The following COL25A1 variants were observed in gnomAD, a reference collection of about 807,000 sequenced individuals.
COL25A1 encodes the protein collagen type XXV alpha 1 chain.
Under a neutral mutation model 128.4 loss-of-function variants are expected in COL25A1, and 103 were observed. The observed-to-expected ratio is 0.80, with a 90% CI of 0.68 to 0.94. The LOEUF (loss-of-function observed/expected upper bound fraction) is 0.94, where lower values mean the gene tolerates loss of function less well. COL25A1 is among the 40% of genes least tolerant of loss of function. The pLI, the probability that COL25A1 is intolerant of heterozygous loss-of-function variation, is 0.00. For missense variants in COL25A1, 745 were observed against 840.0 expected (o/e 0.89, Z 1.40); for synonymous variants, 279 against 277.2 (o/e 1.01, Z -0.06).
chr4:109,182,561 T>A (rs1326310524), intron 3 of COL25A1, among the ~76,000 whole-genome samples: 1 of 152,140 alleles, frequency 6.6e-6, no homozygotes, highest in East Asian at 1.9e-4. Flanking sequence ...TCAGCAATCT[T>A]CTGGTGAATA....
At chr4:109,097,632 A>G (rs1344595905) in intron 3 of COL25A1, among the ~76,000 whole-genome samples, 1 of 151,312 alleles carries the variant, frequency 6.6e-6, no homozygotes. Flanking sequence ...AAATAAATAA[A>G]TAAAATTATG....
chr4:109,225,793 A>T (rs564917726), intron 3 of COL25A1, among the ~76,000 whole-genome samples: 3 of 152,058 alleles, frequency 2.0e-5, no homozygotes, highest in Non-Finnish European at 4.4e-5. Context: ...ATACATACAT[A>T]CACACACATA....
intron 3 of COL25A1, among the ~76,000 whole-genome samples, chr4:109,276,186 G>A (rs1165689011): frequency 6.6e-6 from 1 of 152,094 alleles, no homozygotes; most frequent in Admixed American, 6.6e-5. Context: ...TGAGGCGGGT[G>A]GATCACCTGA....
intron 3 of COL25A1, among the ~76,000 whole-genome samples, chr4:109,111,509 C>T (rs1299806721): frequency 6.6e-6 from 1 of 152,184 alleles, no homozygotes; most frequent in Non-Finnish European, 1.5e-5. Flanking sequence ...TGTGCCCTCA[C>T]TGTCTTGCAT....
intron 26 of COL25A1, among the ~76,000 whole-genome samples, chr4:108,849,097 T>C (rs1432239718): frequency 6.6e-6 from 1 of 152,166 alleles, no homozygotes; most frequent in African/African-American, 2.4e-5. Flanking sequence ...TAGACACAAT[T>C]TGATAGCTGA....
Position 109,134,943 on chromosome 4 carries a change from G to A in COL25A1, c.368-84764C>T, listed in dbSNP as rs192704354. ...AAATAGAGGGTCAAAATAGAACCTG[G>A]AGAGTCCTCCTGAGGGAGTGGGCAA... On this transcript the variant is annotated intron_variant, in intron 3 of 37. Transcript: ENST00000399132. 8.0e-5 allele frequency among the ~76,000 whole-genome samples: 12 copies of A among 150,804 alleles called. No homozygotes were observed. The East Asian group carries it at 2.2e-3, about 27-fold the overall frequency.
chr4:108,899,017 A>G, intron 15 of COL25A1, 137 bp downstream of exon 15: 1 of 656,170 alleles, frequency 1.5e-6, no homozygotes, highest in Non-Finnish European at 2.7e-6. Context: ...CTATATACCT[A>G]CCTACCTACC....
chr4:109,258,672 G>A (rs1029343839), intron 3 of COL25A1, among the ~76,000 whole-genome samples: 11 of 152,058 alleles, frequency 7.2e-5, no homozygotes, highest in Non-Finnish European at 1.6e-4. Flanking sequence ...CAATAATAAT[G>A]ATAGCAGTGT....
intron 13 of COL25A1, among the ~76,000 whole-genome samples, chr4:108,914,340 C>T (rs1360481737): frequency 6.6e-6 from 1 of 152,138 alleles, no homozygotes; most frequent in Non-Finnish European, 1.5e-5. Flanking sequence ...CCTTCAAAGG[C>T]TACACAAGAG....
chr4:109,139,080 C>T (rs893786816), intron 3 of COL25A1, among the ~76,000 whole-genome samples: 1 of 152,054 alleles, frequency 6.6e-6, no homozygotes, highest in Admixed American at 6.5e-5. Context: ...TGATGATGAG[C>T]TTTTTTTCAT....
intron 3 of COL25A1, among the ~76,000 whole-genome samples, chr4:109,214,742 G>A (rs2126201680): frequency 6.6e-6 from 1 of 152,198 alleles, no homozygotes; most frequent in Admixed American, 6.5e-5. Context: ...CCAGAAAGCA[G>A]AAGAGATCAG....
intron 3 of COL25A1, among the ~76,000 whole-genome samples, chr4:109,139,172 G>A (rs1253940843): frequency 6.7e-6 from 1 of 149,594 alleles, no homozygotes; most frequent in Non-Finnish European, 1.5e-5. Flanking sequence ...ACTTTTTGAA[G>A]GGGTTGTTTT....
chr4:109,231,924 AAAG>A lies in COL25A1; in HGVS notation c.367+68656_367+68658del, dbSNP rs151157991. Among the ~76,000 whole-genome samples, 889 of 152,316 alleles carry A rather than the reference AAAG, an allele frequency of 5.8e-3. 14 individuals are homozygous for A. Among genetic ancestry groups the A allele is most frequent in the African/African-American group, 0.02 (842 of 41,570 alleles). On this transcript the variant is annotated intron_variant, in intron 3 of 37. Coordinates refer to ENST00000399132, the MANE Select transcript of COL25A1 (RefSeq NM_198721.4). ...TTGAAAACTAAACAGCTTAAACTATAAAGAATATCTAACATAGAACTTAGTTAT... is the reference window on the plus strand; with the variant it reads ...TTGAAAACTAAACAGCTTAAACTATAAATATCTAACATAGAACTTAGTTAT...
intron 11 of COL25A1, among the ~76,000 whole-genome samples, chr4:108,934,619 C>A (rs6852403): frequency 0.041 from 6,282 of 152,100 alleles, 203 homozygotes; most frequent in African/African-American, 0.068. Flanking sequence ...ATCATGATTT[C>A]TTTTTAAAAA....
chr4:109,208,041 CA>C (rs1217308442), intron 3 of COL25A1, among the ~76,000 whole-genome samples: 1 of 152,166 alleles, frequency 6.6e-6, no homozygotes, highest in Non-Finnish European at 1.5e-5. Flanking sequence ...TGCAGCTTAA[CA>C]GAGCATTATA....
rs369320174 is a variant in COL25A1 at position 109,124,194 on chromosome 4, CTT to C, written c.368-74017_368-74016del. Among the ~76,000 whole-genome samples, 22 of 152,060 alleles carry C rather than the reference CTT, an allele frequency of 1.4e-4. No individual in the cohort carries two copies. The East Asian group carries it at 2.5e-3, about 17-fold the overall frequency. On this transcript the variant is annotated intron_variant, in intron 3 of 37. Transcript: ENST00000399132. ...ATGGTATTTTTGACAATCCCTGCTC[CTT>C]ATATTTCTTTAATTTTATGCAGTAA...
chr4:109,235,729 A>G (rs1433835257), intron 3 of COL25A1, among the ~76,000 whole-genome samples: 1 of 152,122 alleles, frequency 6.6e-6, no homozygotes, highest in Admixed American at 6.6e-5. Context: ...AACAAACAGC[A>G]AGGTGCAGGT....
At chr4:109,197,781 CCTGA>C (rs1277598636) in intron 3 of COL25A1, among the ~76,000 whole-genome samples, 2 of 151,432 alleles carry the variant, frequency 1.3e-5, no homozygotes, top group Non-Finnish European at 2.9e-5. Context: ...TGTATGTATA[CCTGA>C]CTATTACAGA....
intron 34 of COL25A1, 142 bp downstream of exon 34, chr4:108,825,054 A>G: frequency 6.9e-6 from 4 of 582,410 alleles, no homozygotes; most frequent in Non-Finnish European, 8.9e-6. Flanking sequence ...TGTATTTTAT[A>G]TTGCTGTTTA....
Sources: gnomAD v4.1 joint callset for allele counts (sites outside exome capture counted in the v4.1 genomes callset) on GRCh38, gnomAD v4.1.1 for gene constraint, MANE v1.5 for transcripts, NCBI Gene and HGNC (gene_info 2026-07-23, HGNC 2026-07-21) for gene names.